MALRD1: variants seen among roughly 807,000 people sequenced by gnomAD.
MALRD1 encodes the protein MAM and LDL receptor class A domain containing 1.
In MALRD1, 247 loss-of-function variants were observed where a neutral mutation model predicts 242.1. That is an observed-to-expected ratio of 1.02 (90% confidence interval 0.92 to 1.13). The LOEUF is 1.13. Among genes scored for constraint, MALRD1 ranks in the 50% most tolerant of loss-of-function variants. MALRD1 has a pLI of 0.00. For missense variants in MALRD1, 2,989 were observed against 2,533.1 expected (o/e 1.18, Z -3.86); for synonymous variants, 995 against 866.6 (o/e 1.15, Z -2.60).
At chr10:19,486,781 C>T (rs376198339) in intron 29 of MALRD1, among the ~76,000 whole-genome samples, 82 of 152,186 alleles carry the variant, frequency 5.4e-4, no homozygotes, top group Middle Eastern at 6.8e-3. Flanking sequence ...GTAATGAACT[C>T]TGTGTACAAA....
Position 19,203,707 on chromosome 10 carries a change from A to G in MALRD1, c.1952-21A>G, listed in dbSNP as rs192016981. The G allele has an allele frequency of 5.4e-4, 820 of 1,508,896 alleles. 4 individuals are homozygous for G. The African/African-American group carries it at 0.01, about 19-fold the overall frequency. The allele number at this position is 1,508,896 out of a possible 1,614,324, so 93.5% of individuals were successfully genotyped here. On this transcript the variant is annotated intron_variant, in intron 14 of 39. Coordinates refer to ENST00000454679, the MANE Select transcript of MALRD1 (RefSeq NM_001142308.3). The stretch of plus-strand genomic sequence containing the variant: ...GAGCAGTTTGGAGAGCCAACATAAG[A>G]GCCACATTTTTGTTCTTCAGTTTCC...
intron 36 of MALRD1, among the ~76,000 whole-genome samples, chr10:19,691,722 C>G (rs1343945274): frequency 6.6e-6 from 1 of 152,226 alleles, no homozygotes; most frequent in African/African-American, 2.4e-5. Flanking sequence ...CTAAATAAAA[C>G]AAAGGTGATG....
At chr10:19,314,078 C>T (rs975775401) in intron 21 of MALRD1, among the ~76,000 whole-genome samples, 4 of 151,456 alleles carry the variant, frequency 2.6e-5, no homozygotes, top group African/African-American at 9.7e-5. Flanking sequence ...TTTTATTTAG[C>T]AACAGATTCA....
At chr10:19,073,599 GTT>G (rs1287107240) in intron 2 of MALRD1, among the ~76,000 whole-genome samples, 1 of 152,050 alleles carries the variant, frequency 6.6e-6, no homozygotes, top group Non-Finnish European at 1.5e-5. Flanking sequence ...TTACCTTCAG[GTT>G]ATGTGAATAA....
chr10:19,340,464 G>T (rs1042380013), intron 24 of MALRD1, among the ~76,000 whole-genome samples: 2 of 151,838 alleles, frequency 1.3e-5, no homozygotes, highest in Non-Finnish European at 1.5e-5. Flanking sequence ...GCTACCTAAG[G>T]CATGTTCTTT....
At chr10:19,067,573 A>C (rs916545140) in intron 2 of MALRD1, among the ~76,000 whole-genome samples, 1 of 152,242 alleles carries the variant, frequency 6.6e-6, no homozygotes, top group South Asian at 2.1e-4. Flanking sequence ...CCTGGAGGTA[A>C]TTTGAAACAA....
chr10:19,450,753 G>A (rs1835277951), intron 29 of MALRD1, among the ~76,000 whole-genome samples: 1 of 152,124 alleles, frequency 6.6e-6, no homozygotes, highest in South Asian at 2.1e-4. Context: ...GGTTCTGGAG[G>A]CTGGGAAGTC....
chr10:19,157,768 G>T (rs938995887), intron 12 of MALRD1, among the ~76,000 whole-genome samples: 5 of 151,314 alleles, frequency 3.3e-5, no homozygotes, highest in South Asian at 2.1e-4. Context: ...AAATTATATG[G>T]TTTTTTTTTC....
chr10:19,595,157 C>A, intron 33 of MALRD1, 37 bp from the exon 34 acceptor site: 1 of 1,526,238 alleles, frequency 6.6e-7, no homozygotes, highest in South Asian at 1.2e-5. Context: ...GGGAAACTCC[C>A]TAATGCCAAA....
At chr10:19,206,923 C>A (rs539074310) in intron 17 of MALRD1, among the ~76,000 whole-genome samples, 42 of 152,188 alleles carry the variant, frequency 2.8e-4, no homozygotes, top group African/African-American at 9.6e-4. Flanking sequence ...CCTGTGTCCC[C>A]CCAAGTTCAC....
At chr10:19,114,959 G>A (rs1374733980) in intron 5 of MALRD1, among the ~76,000 whole-genome samples, 1 of 152,054 alleles carries the variant, frequency 6.6e-6, no homozygotes, top group Non-Finnish European at 1.5e-5. Context: ...TTGGATTAGG[G>A]CCACCCTGGT....
intron 4 of MALRD1, among the ~76,000 whole-genome samples, chr10:19,097,296 T>A (rs1302908909): frequency 1.3e-5 from 2 of 152,136 alleles, no homozygotes; most frequent in Non-Finnish European, 2.9e-5. Flanking sequence ...GCCATAATAA[T>A]GTTTTTATTA....
chr10:19,703,846 G>A (rs1008463292), intron 38 of MALRD1, among the ~76,000 whole-genome samples: 1 of 152,176 alleles, frequency 6.6e-6, no homozygotes, highest in Non-Finnish European at 1.5e-5. Context: ...AGTGAGCTGA[G>A]ATTGTGCCAC....
chr10:19,220,662 C>T (rs1219574455), intron 18 of MALRD1, among the ~76,000 whole-genome samples: 1 of 152,106 alleles, frequency 6.6e-6, no homozygotes, highest in South Asian at 2.1e-4. Flanking sequence ...GTTAACGAAT[C>T]GATGGCTTCA....
rs1837492446 is a variant in MALRD1, at chr10:19,491,531, G to C, written c.5044G>C (p.Glu1682Gln). Reference sequence around the variant, plus strand: ...TTTTTCCCTAGTGGGAGAGATCTCTGAGCTTTGTCCGGAAATCACTGATTT... The same window carrying C: ...TTTTTCCCTAGTGGGAGAGATCTCTCAGCTTTGTCCGGAAATCACTGATTT... The part of the protein sequence containing the change: ...KNCTTVGEIS[E>Q]LCPEITDFLC... The change falls in exon 30 of 40, where the codon GAG becomes CAG. Residue 1682 changes from glutamate (E) to glutamine (Q), a missense_variant. Physicochemically the swap from Glu to Gln is conservative, Grantham distance 29. Transcript: ENST00000454679. The C allele has an allele frequency of 1.9e-6, 3 of 1,549,896 alleles. No homozygotes were observed. Among genetic ancestry groups the C allele is most frequent in the Non-Finnish European group, 2.6e-6 (3 of 1,146,762 alleles).
At chr10:19,355,842 A>ATTTTATATAT (rs1259771142) in intron 26 of MALRD1, among the ~76,000 whole-genome samples, 1 of 112,288 alleles carries the variant, frequency 8.9e-6, no homozygotes, top group Non-Finnish European at 1.8e-5. Context: ...AAGAACATAT[A>ATTTTATATAT]TTATATATAT....
intron 21 of MALRD1, among the ~76,000 whole-genome samples, chr10:19,318,071 A>T (rs909886853): frequency 5.3e-5 from 8 of 152,082 alleles, no homozygotes; most frequent in African/African-American, 1.9e-4. Context: ...CTGATATTTT[A>T]TGAGTGACAG....
At chr10:19,161,393 A>G (rs1254716485) in intron 12 of MALRD1, among the ~76,000 whole-genome samples, 10 of 124,258 alleles carry the variant, frequency 8.0e-5, no homozygotes, top group South Asian at 4.9e-4. Context: ...TGGGAGATAT[A>G]CCTAATGCTA....
intron 7 of MALRD1, among the ~76,000 whole-genome samples, chr10:19,125,295 TTCCTTCCTTCCTTCCTTCCTTCCTTCC>T (rs1837223899): frequency 2.9e-5 from 1 of 34,964 alleles, no homozygotes; most frequent in Non-Finnish European, 4.6e-5. Flanking sequence ...CTTTCTTTCC[TTCCTTCCTTCCTTCCTTCCTTCCTTCC>T]TTCTTTCTTT....
Sources: allele counts gnomAD v4.1 joint callset (sites outside exome capture counted in the v4.1 genomes callset), GRCh38; gene constraint gnomAD v4.1.1; transcripts MANE v1.5; gene names NCBI Gene and HGNC (gene_info 2026-07-23, HGNC 2026-07-21).